The following DMD variants were observed in gnomAD, a reference collection of about 807,000 sequenced individuals.
DMD encodes dystrophin.
Under a neutral mutation model 330.1 loss-of-function variants are expected in DMD, and 63 were observed. That is an observed-to-expected ratio of 0.19 (90% CI 0.16 to 0.24). DMD has a LOEUF of 0.24. Among genes scored for constraint, DMD ranks in the 10% least tolerant of loss-of-function variants. The pLI is 1.00. For missense variants in DMD, 3,344 were observed against 2,684.1 expected (o/e 1.25, Z -5.43); for synonymous variants, 1,223 against 959.8 (o/e 1.27, Z -5.07).
At chrX:31,960,245 T>C (rs2095290008) in intron 45 of DMD, among the ~76,000 whole-genome samples, 1 of 111,117 alleles carries the variant, frequency 9.0e-6, no homozygotes, top group Non-Finnish European at 1.9e-5. Flanking sequence ...CTGTTGCCTC[T>C]TGGAGAACAT....
At chrX:32,551,718 T>G (rs755049368) in intron 16 of DMD, among the ~76,000 whole-genome samples, 60 of 111,200 alleles carry the variant, frequency 5.4e-4, no homozygotes, top group African/African-American at 1.9e-3. Context: ...ACGATGAGGT[T>G]CTATACTTTG....
chrX:31,817,093 G>T (rs886630054), intron 50 of DMD, among the ~76,000 whole-genome samples: 2 of 110,916 alleles, frequency 1.8e-5, no homozygotes, highest in Non-Finnish European at 3.8e-5. Flanking sequence ...TAAACCTCAG[G>T]CTCCTTAATC....
intron 44 of DMD, among the ~76,000 whole-genome samples, chrX:32,154,591 G>C (rs1022195832): frequency 9.0e-6 from 1 of 111,414 alleles, no homozygotes; most frequent in Admixed American, 9.6e-5. Context: ...GATATTCCAA[G>C]GAAGGCAGCT....
intron 50 of DMD, among the ~76,000 whole-genome samples, chrX:31,819,450 C>T (rs975809803): frequency 3.6e-5 from 4 of 109,704 alleles, no homozygotes; most frequent in African/African-American, 1.3e-4. Flanking sequence ...AGGAACAATG[C>T]ACACATCCCT....
At chrX:33,246,144 T>C (rs1265665031) in intron 1 of DMD, among the ~76,000 whole-genome samples, 4 of 112,279 alleles carry the variant, frequency 3.6e-5, no homozygotes, top group Non-Finnish European at 5.6e-5. Context: ...GAATCCTGCT[T>C]TTTCAAGGTG....
At chrX:32,687,923 G>A (rs1446511223) in intron 9 of DMD, among the ~76,000 whole-genome samples, 3 of 110,370 alleles carry the variant, frequency 2.7e-5, no homozygotes. Flanking sequence ...GTTGTAACAC[G>A]AATTCTTACT....
At chrX:33,301,868 G>A (rs775297616) in intron 1 of DMD, among the ~76,000 whole-genome samples, 1 of 111,623 alleles carries the variant, frequency 9.0e-6, no homozygotes, top group African/African-American at 3.3e-5. Flanking sequence ...TGGCAATTAA[G>A]TTTCAACATA....
intron 44 of DMD, among the ~76,000 whole-genome samples, chrX:32,129,281 A>G (rs1569545459): frequency 9.0e-6 from 1 of 111,626 alleles, no homozygotes; most frequent in Non-Finnish European, 1.9e-5. Context: ...AGGCAGTGTC[A>G]TGCATTGATT....
At chrX:31,447,125 A>T (rs1333963376) in intron 59 of DMD, among the ~76,000 whole-genome samples, 1 of 111,097 alleles carries the variant, frequency 9.0e-6, no homozygotes, top group African/African-American at 3.3e-5. Context: ...ATCCTGCTTC[A>T]ATGTTTTGGA....
chrX:31,844,088 T>C (rs757921229), intron 48 of DMD, among the ~76,000 whole-genome samples: 1 of 111,950 alleles, frequency 8.9e-6, no homozygotes, highest in Admixed American at 9.5e-5. Context: ...GTCAATCTCC[T>C]GACCTCGTGA....
At chrX:32,617,073 G>C (rs2057640115) in intron 11 of DMD, among the ~76,000 whole-genome samples, 1 of 110,316 alleles carries the variant, frequency 9.1e-6, no homozygotes, top group African/African-American at 3.3e-5. Context: ...TCCACAGACA[G>C]AGAAAGGGGT....
intron 44 of DMD, among the ~76,000 whole-genome samples, chrX:31,991,008 C>A (rs2095546319): frequency 9.0e-6 from 1 of 111,564 alleles, no homozygotes; most frequent in East Asian, 2.8e-4. Flanking sequence ...AAAAGGTCTA[C>A]AAAAGAATAA....
intron 55 of DMD, among the ~76,000 whole-genome samples, chrX:31,615,649 G>A (rs921815565): frequency 8.9e-6 from 1 of 111,745 alleles, no homozygotes; most frequent in African/African-American, 3.3e-5. Context: ...CAATATGAAC[G>A]CTTAAGAACT....
At chrX:32,008,526 C>T (rs994276617) in intron 44 of DMD, among the ~76,000 whole-genome samples, 1 of 111,737 alleles carries the variant, frequency 8.9e-6, no homozygotes, top group East Asian at 2.8e-4. Context: ...CGTGCTTTGC[C>T]ATTCTCTTGT....
At chrX:32,785,633 T>C (rs1484735205) in intron 7 of DMD, among the ~76,000 whole-genome samples, 5 of 111,855 alleles carry the variant, frequency 4.5e-5, no homozygotes. Flanking sequence ...TCGCTACAAC[T>C]AGCTTTAGCA....
chrX:33,014,799 G>A (rs1421030581), intron 2 of DMD, among the ~76,000 whole-genome samples: 2 of 107,341 alleles, frequency 1.9e-5, no homozygotes, highest in Non-Finnish European at 3.8e-5. Flanking sequence ...ATTACATAAT[G>A]ACAAAAATGG....
At chrX:32,695,229 A>G (rs913810954) in intron 9 of DMD, among the ~76,000 whole-genome samples, 14 of 112,007 alleles carry the variant, frequency 1.2e-4, no homozygotes, top group Non-Finnish European at 2.6e-4. Flanking sequence ...ATGGAGTTGA[A>G]TAAATGCAAA....
chrX:32,626,868 A>C lies in DMD; in HGVS notation c.1332-12415T>G, dbSNP rs1233059011. ...AGAAATCCAAGATAGGTTAAAAAACAGAAAGTTATTAATTGAGGTAATGTT... is the reference window on the plus strand; with the variant it reads ...AGAAATCCAAGATAGGTTAAAAAACCGAAAGTTATTAATTGAGGTAATGTT... On this transcript the variant is annotated intron_variant, in intron 11 of 78. Transcript: ENST00000357033. 2.8e-5 allele frequency among the ~76,000 whole-genome samples: 3 copies of C among 105,657 alleles called. No individual in the cohort carries two copies. In the East Asian group the frequency reaches 8.5e-4, roughly 30 times the overall value. The allele number at this position is 105,657 out of a possible 115,157, so 91.8% of individuals were successfully genotyped here. A position where few individuals can be genotyped will look rare whatever the true frequency, so the allele number is the denominator to read the frequency against.
chrX:31,219,833 T>TACACACACAC (rs58717973), intron 64 of DMD, among the ~76,000 whole-genome samples: 9,866 of 100,167 alleles, frequency 0.098, 405 homozygotes, highest in East Asian at 0.18. Flanking sequence ...GATCAATGTA[T>TACACACACAC]ACACACACAC....
Sources: gnomAD v4.1 joint callset for allele counts (sites outside exome capture counted in the v4.1 genomes callset) on GRCh38, gnomAD v4.1.1 for gene constraint, MANE v1.5 for transcripts, NCBI Gene and HGNC (gene_info 2026-07-23, HGNC 2026-07-21) for gene names.